STK39: variants seen among roughly 807,000 people sequenced by gnomAD.
STK39 encodes the protein STE20/SPS1-related proline-alanine-rich protein kinase.
A neutral mutation model predicts 77.8 loss-of-function variants in STK39; 20 were observed. The ratio of observed to expected loss-of-function variants is 0.26; its 90% CI spans 0.18 to 0.37. The LOEUF is 0.37. Ranked by LOEUF, STK39 falls within the 10% of genes least tolerant of loss-of-function variation. The pLI is 1.00. For missense variants in STK39, 479 were observed against 656.5 expected (o/e 0.73, Z 2.95); for synonymous variants, 246 against 234.1 (o/e 1.05, Z -0.47).
At chr2:168,219,519 G>A (rs1303463519) in intron 1 of STK39, among the ~76,000 whole-genome samples, 1 of 152,128 alleles carries the variant, frequency 6.6e-6, no homozygotes, top group African/African-American at 2.4e-5. Flanking sequence ...AGAGAGTTGT[G>A]TGTAGGTCTC....
chr2:168,016,832 T>C (rs1684421487), intron 15 of STK39, among the ~76,000 whole-genome samples: 1 of 152,240 alleles, frequency 6.6e-6, no homozygotes. Flanking sequence ...ATGTATACTG[T>C]GCCGCATGTG....
At chr2:168,234,869 T>C (rs1349588000) in intron 1 of STK39, among the ~76,000 whole-genome samples, 1 of 152,222 alleles carries the variant, frequency 6.6e-6, no homozygotes, top group East Asian at 1.9e-4. Context: ...TATTGAGTCA[T>C]AGGCCAGATG....
At chr2:168,101,166 T>C (rs1055349285) in intron 10 of STK39, among the ~76,000 whole-genome samples, 2 of 151,876 alleles carry the variant, frequency 1.3e-5, no homozygotes, top group South Asian at 2.1e-4. Context: ...ATGAGAACAC[T>C]TGGACACAGG....
chr2:168,010,318 C>T (rs890422077), intron 16 of STK39, among the ~76,000 whole-genome samples: 1 of 152,198 alleles, frequency 6.6e-6, no homozygotes, highest in Non-Finnish European at 1.5e-5. Context: ...TAAACTAAGA[C>T]ACAAAAGTGT....
intron 1 of STK39, among the ~76,000 whole-genome samples, chr2:168,208,635 A>G (rs142184143): frequency 1.3e-3 from 203 of 152,364 alleles, no homozygotes; most frequent in African/African-American, 4.6e-3. Context: ...GACACGTGTG[A>G]TAGACATTAC....
intron 14 of STK39, among the ~76,000 whole-genome samples, chr2:168,046,473 T>A (rs1418064789): frequency 1.3e-5 from 2 of 152,182 alleles, no homozygotes; most frequent in Non-Finnish European, 2.9e-5. Flanking sequence ...CCTACCCCCG[T>A]GTCTTGGTGT....
At chr2:168,139,377 ACAC>A (rs1444063279) in intron 7 of STK39, among the ~76,000 whole-genome samples, 2 of 146,082 alleles carry the variant, frequency 1.4e-5, no homozygotes, top group African/African-American at 5.2e-5. Flanking sequence ...ACACACAAAT[ACAC>A]TAAAATCCTA....
intron 10 of STK39, among the ~76,000 whole-genome samples, chr2:168,081,559 C>G (rs1220808469): frequency 6.6e-6 from 1 of 152,104 alleles, no homozygotes; most frequent in East Asian, 1.9e-4. Context: ...AGATGTTGGA[C>G]TGTGGACTTT....
intron 16 of STK39, among the ~76,000 whole-genome samples, chr2:168,012,266 A>C (rs887911466): frequency 6.6e-6 from 1 of 151,730 alleles, no homozygotes; most frequent in Non-Finnish European, 1.5e-5. Flanking sequence ...TCAGCCTCCC[A>C]GGTTCAAGCG....
At chr2:167,984,509 C>T (rs1314203746) in intron 16 of STK39, among the ~76,000 whole-genome samples, 3 of 152,180 alleles carry the variant, frequency 2.0e-5, no homozygotes, top group Non-Finnish European at 4.4e-5. Flanking sequence ...TGAAGCTGGG[C>T]ATCAGGGACA....
At chr2:168,138,523 A>G (rs1254031158) in intron 7 of STK39, among the ~76,000 whole-genome samples, 1 of 152,198 alleles carries the variant, frequency 6.6e-6, no homozygotes, top group Non-Finnish European at 1.5e-5. Flanking sequence ...AGGAGCACGT[A>G]GCTCCAGCAC....
At position 168,099,436 on chromosome 2, in the gene STK39, A is replaced by T. The variant is rs574233139; in HGVS notation, c.1090-24205T>A. Among the ~76,000 whole-genome samples, 22 of 152,362 alleles carry T rather than the reference A, an allele frequency of 1.4e-4. No homozygotes were observed. In the East Asian group the frequency reaches 4.2e-3, roughly 29 times the overall value. On this transcript the variant is annotated intron_variant, in intron 10 of 17. Coordinates refer to ENST00000355999, the MANE Select transcript of STK39 (RefSeq NM_013233.3). The stretch of plus-strand genomic sequence containing the variant: ...TGGCTACTTTTATGGTCCCAAGAAG[A>T]GTCCTATGGCTTCATTCCCTAACTA...
chr2:168,078,565 G>C (rs1180920755), intron 10 of STK39, among the ~76,000 whole-genome samples: 1 of 152,160 alleles, frequency 6.6e-6, no homozygotes, highest in Non-Finnish European at 1.5e-5. Flanking sequence ...CACAGGAATG[G>C]GGAGGAAGGA....
chr2:168,135,437 T>C (rs548446559), intron 8 of STK39, among the ~76,000 whole-genome samples: 1 of 152,218 alleles, frequency 6.6e-6, no homozygotes, highest in African/African-American at 2.4e-5. Flanking sequence ...GCCATGCAGA[T>C]GTTGATAAAG....
intron 1 of STK39, among the ~76,000 whole-genome samples, chr2:168,240,344 T>C (rs980503502): frequency 1.3e-5 from 2 of 152,222 alleles, no homozygotes; most frequent in Non-Finnish European, 2.9e-5. Context: ...TCAAGAATTT[T>C]GGTATAGCAG....
chr2:168,101,464 G>A lies in STK39; in HGVS notation c.1090-26233C>T, dbSNP rs558520956. ...TAAAAAATATATACATTGGCCAGGC[G>A]CTGTGGCTCACACCTGTAATCCCAG... On this transcript the variant is annotated intron_variant, in intron 10 of 17. Transcript: ENST00000355999. Among the ~76,000 whole-genome samples, 25 of 152,246 alleles carry A rather than the reference G, an allele frequency of 1.6e-4. No individual in the cohort carries two copies. The South Asian group carries it at 3.3e-3, about 20-fold the overall frequency.
At chr2:168,114,251 G>GA (rs777655443) in intron 10 of STK39, among the ~76,000 whole-genome samples, 62 of 152,230 alleles carry the variant, frequency 4.1e-4, no homozygotes, top group Non-Finnish European at 7.6e-4. Flanking sequence ...AAGGAAGAAC[G>GA]AAAGAGCAGG....
intron 1 of STK39, among the ~76,000 whole-genome samples, chr2:168,199,906 A>G (rs957768598): frequency 1.9e-4 from 29 of 152,228 alleles, no homozygotes; most frequent in African/African-American, 5.5e-4. Flanking sequence ...TTCTTTGGAC[A>G]ACAGGTCTTC....
intron 1 of STK39, among the ~76,000 whole-genome samples, chr2:168,196,314 A>C (rs1002320048): frequency 6.6e-6 from 1 of 152,186 alleles, no homozygotes; most frequent in Non-Finnish European, 1.5e-5. Flanking sequence ...TCAGAGCAAA[A>C]AGTATCTGCC....
Sources: gnomAD v4.1 joint callset for allele counts (sites outside exome capture counted in the v4.1 genomes callset) on GRCh38, gnomAD v4.1.1 for gene constraint, MANE v1.5 for transcripts, NCBI Gene and HGNC (gene_info 2026-07-23, HGNC 2026-07-21) for gene names.